Variants in GRIK2 observed in about 807,000 individuals in gnomAD.
GRIK2 encodes the protein glutamate ionotropic receptor kainate type subunit 2.
GRIK2 carries 32 observed loss-of-function variants against 100.3 expected under a neutral mutation model. The ratio of observed to expected loss-of-function variants is 0.32; its 90% confidence interval spans 0.24 to 0.43. The LOEUF (loss-of-function observed/expected upper bound fraction) is 0.43. Among genes scored for constraint, GRIK2 ranks in the 20% least tolerant of loss-of-function variants. GRIK2 has a pLI of 1.00. For synonymous variants in GRIK2, 417 were observed against 389.4 expected (o/e 1.07, Z -0.83); for missense variants, 843 against 1,114.9 (o/e 0.76, Z 3.47).
At chr6:101,753,893 T>A (rs1776957896) in intron 7 of GRIK2, among the ~76,000 whole-genome samples, 1 of 152,022 alleles carries the variant, frequency 6.6e-6, no homozygotes, top group Admixed American at 6.6e-5. Context: ...TTAATTAAAA[T>A]TATATTAATT....
At chr6:101,744,496 G>A (rs1206063643) in intron 7 of GRIK2, 34 of 94,248 alleles carry the variant, frequency 3.6e-4, no homozygotes, top group African/African-American at 1.6e-3. Context: ...TCCATGGTGT[G>A]TGTGTGTGTG....
At chr6:101,788,800 T>C (rs1779616466) in intron 7 of GRIK2, among the ~76,000 whole-genome samples, 1 of 152,164 alleles carries the variant, frequency 6.6e-6, no homozygotes, top group Admixed American at 6.5e-5. Flanking sequence ...ACTTCCACAA[T>C]GGTTGAACTA....
At chr6:101,394,956 GT>G (rs1774948298) in intron 1 of GRIK2, among the ~76,000 whole-genome samples, 1 of 152,026 alleles carries the variant, frequency 6.6e-6, no homozygotes, top group African/African-American at 2.4e-5. Context: ...AAAAAAAAAA[GT>G]TCTGGGATAT....
intron 6 of GRIK2, among the ~76,000 whole-genome samples, chr6:101,684,195 G>A (rs1000674920): frequency 1.3e-5 from 2 of 152,144 alleles, no homozygotes; most frequent in African/African-American, 4.8e-5. Flanking sequence ...GGGTGGAGAG[G>A]AAGTGAGAGC....
At chr6:101,677,795 G>A (rs10872739) in intron 5 of GRIK2, among the ~76,000 whole-genome samples, 89,750 of 151,928 alleles carry the variant, frequency 0.59, 29,433 homozygotes, top group Non-Finnish European at 0.75. Flanking sequence ...ATTATATCCC[G>A]TTAAATATAA....
chr6:101,752,580 A>G (rs1369341263), intron 7 of GRIK2, among the ~76,000 whole-genome samples: 2 of 152,192 alleles, frequency 1.3e-5, no homozygotes, highest in Non-Finnish European at 2.9e-5. Flanking sequence ...CAAATTTAGA[A>G]CTACAATAAT....
chr6:102,058,367 T>C (rs757128600), intron 16 of GRIK2, among the ~76,000 whole-genome samples: 7 of 151,784 alleles, frequency 4.6e-5, no homozygotes, highest in Non-Finnish European at 1.0e-4. Context: ...TCTATTTACC[T>C]ACCTACCTAT....
chr6:101,683,481 C>T (rs1771441789), intron 6 of GRIK2, among the ~76,000 whole-genome samples: 1 of 152,148 alleles, frequency 6.6e-6, no homozygotes, highest in African/African-American at 2.4e-5. Flanking sequence ...CTGTATCAAA[C>T]TTACTGTTAG....
chr6:101,818,285 G>A (rs1781755298), intron 9 of GRIK2, 85 bp from the exon 10 acceptor site: 1 of 726,174 alleles, frequency 1.4e-6, no homozygotes, highest in African/African-American at 1.8e-5. Context: ...TGAATAATAA[G>A]TGTTAGCAAT....
chr6:101,750,449 T>A (rs943661455), intron 7 of GRIK2, among the ~76,000 whole-genome samples: 2 of 152,124 alleles, frequency 1.3e-5, no homozygotes, highest in African/African-American at 4.8e-5. Context: ...ATCATACTCA[T>A]TGGGAATAGT....
At chr6:101,539,363 C>T (rs1227493484) in intron 2 of GRIK2, among the ~76,000 whole-genome samples, 1 of 151,622 alleles carries the variant, frequency 6.6e-6, no homozygotes, top group African/African-American at 2.4e-5. Context: ...CTCCAAATTC[C>T]AAAATGTTAA....
At chr6:101,987,105 C>A (rs1794057456) in intron 14 of GRIK2, among the ~76,000 whole-genome samples, 1 of 151,832 alleles carries the variant, frequency 6.6e-6, no homozygotes. Flanking sequence ...ATCATATGAT[C>A]AATCCACGGC....
chr6:101,451,294 C>G (rs115723731), intron 2 of GRIK2, among the ~76,000 whole-genome samples: 1 of 151,674 alleles, frequency 6.6e-6, no homozygotes, highest in Admixed American at 6.6e-5. Flanking sequence ...AGTTTCTCTT[C>G]CCTATGAGAT....
chr6:101,563,511 C>G (rs1279924202), intron 2 of GRIK2, among the ~76,000 whole-genome samples: 1 of 152,064 alleles, frequency 6.6e-6, no homozygotes, highest in East Asian at 1.9e-4. Flanking sequence ...TACTTAGGTA[C>G]TTACATAATT....
At chr6:101,709,960 G>A (rs1773589014) in intron 7 of GRIK2, among the ~76,000 whole-genome samples, 1 of 151,714 alleles carries the variant, frequency 6.6e-6, no homozygotes, top group South Asian at 2.1e-4. Flanking sequence ...ATACGCAGTT[G>A]GTCTAGATGG....
rs146996725 is a variant in GRIK2 at position 101,420,276 on chromosome 6, A to G, written c.115+20884A>G. On this transcript the variant is annotated intron_variant, in intron 2 of 16. Transcript: ENST00000369134. The stretch of plus-strand genomic sequence containing the variant: ...TCAGTCTGGCTCCTGAGCCCATGCT[A>G]TCTAGTTTTCCATGTACACTTTTGC... Among the ~76,000 whole-genome samples, 911 of 152,338 alleles carry G rather than the reference A, an allele frequency of 6.0e-3. 3 individuals carry two copies. The highest frequency in any genetic ancestry group is 0.021 in the African/African-American group (860 of 41,580).
intron 14 of GRIK2, among the ~76,000 whole-genome samples, chr6:101,998,347 TTGTC>T (rs1160039224): frequency 6.6e-6 from 1 of 152,108 alleles, no homozygotes; most frequent in Non-Finnish European, 1.5e-5. Flanking sequence ...GTGCTCCTTT[TTGTC>T]TTTCTTTTTT....
chr6:101,503,053 C>T (rs923000187), intron 2 of GRIK2, among the ~76,000 whole-genome samples: 10 of 152,018 alleles, frequency 6.6e-5, no homozygotes, highest in African/African-American at 2.4e-4. Context: ...AAGGAGTTAA[C>T]CAAATAGGGG....
At chr6:101,842,828 G>C (rs1439993836) in intron 10 of GRIK2, among the ~76,000 whole-genome samples, 1 of 152,120 alleles carries the variant, frequency 6.6e-6, no homozygotes, top group East Asian at 1.9e-4. Context: ...TGGGATGTGG[G>C]TAGAAAGCAA....
Sources: gnomAD v4.1 joint callset for allele counts (sites outside exome capture counted in the v4.1 genomes callset) on GRCh38, gnomAD v4.1.1 for gene constraint, MANE v1.5 for transcripts, NCBI Gene and HGNC (gene_info 2026-07-23, HGNC 2026-07-21) for gene names.